The following TRANK1 variants were observed in gnomAD, a reference collection of about 807,000 sequenced individuals.
The protein encoded by TRANK1 is tetratricopeptide repeat and ankyrin repeat containing 1, also known as TPR and ankyrin repeat-containing protein 1.
In TRANK1, 198 loss-of-function variants were observed where a neutral mutation model predicts 266.0. The observed-to-expected ratio is 0.74, with a 90% CI of 0.66 to 0.84. The LOEUF (loss-of-function observed/expected upper bound fraction) is 0.84, where lower values mean the gene tolerates loss of function less well. Ranked by LOEUF, TRANK1 falls within the 40% of genes least tolerant of loss-of-function variation. TRANK1 has a pLI of 0.00. For synonymous variants in TRANK1, 1,396 were observed against 1,384.1 expected (o/e 1.01, Z -0.19); for missense variants, 3,326 against 3,634.6 (o/e 0.92, Z 2.18).
intron 4 of TRANK1, among the ~76,000 whole-genome samples, chr3:36,896,716 C>T (rs1347692236): frequency 6.6e-6 from 1 of 152,152 alleles, no homozygotes; most frequent in Admixed American, 6.5e-5. Context: ...TGCAGAGGGC[C>T]GGGTGCAGTG....
intron 11 of TRANK1, among the ~76,000 whole-genome samples, chr3:36,859,748 G>A (rs892662042): frequency 4.6e-5 from 7 of 152,154 alleles, no homozygotes; most frequent in Admixed American, 4.6e-4. Context: ...ATCCTGAGAT[G>A]TGCTCTATAA....
intron 15 of TRANK1, chr3:36,850,143 C>T: frequency 1.0e-6 from 1 of 985,408 alleles, no homozygotes; most frequent in East Asian, 1.1e-4. Flanking sequence ...ACAGAAACAA[C>T]AAAGTCTTAC....
In TRANK1 at chr3:36,828,097, G is replaced by A; in HGVS notation, c.*178C>T. 1 of 575,600 alleles carries A rather than the reference G, an allele frequency of 1.7e-6. No individual in the cohort carries two copies. The allele number at this position is 575,600 out of a possible 1,614,324, so 35.7% of individuals were successfully genotyped here. On this transcript the variant is annotated 3_prime_UTR_variant, in exon 24 of 24. Coordinates refer to ENST00000645898, the MANE Select transcript of TRANK1 (RefSeq NM_001329998.2). Reference sequence around the variant, plus strand: ...TTGGAAACACTTTAGAGGTGAGGGAGCAATCAGATCCTAAGCCACTGAAAG... The same window carrying A: ...TTGGAAACACTTTAGAGGTGAGGGAACAATCAGATCCTAAGCCACTGAAAG...
intron 1 of TRANK1, among the ~76,000 whole-genome samples, chr3:36,913,843 C>G (rs1041487886): frequency 6.6e-6 from 1 of 151,890 alleles, no homozygotes; most frequent in South Asian, 2.1e-4. Context: ...CATCCTGCCC[C>G]CGACCAAAGC....
chr3:36,874,401 G>C (rs2079355799), intron 8 of TRANK1, 105 bp from the exon 9 acceptor site: 2 of 1,244,292 alleles, frequency 1.6e-6, no homozygotes, highest in African/African-American at 3.0e-5. Flanking sequence ...CCCAGGGCAA[G>C]AGGACTAGGG....
intron 20 of TRANK1, among the ~76,000 whole-genome samples, chr3:36,837,135 G>T (rs2078781352): frequency 6.6e-6 from 1 of 152,172 alleles, no homozygotes; most frequent in Admixed American, 6.5e-5. Flanking sequence ...TCCATCACCT[G>T]CCTTTTCCCA....
chr3:36,874,098 C>A (rs1421937356), intron 9 of TRANK1, 28 bp downstream of exon 9: 6 of 1,522,752 alleles, frequency 3.9e-6, no homozygotes, highest in Non-Finnish European at 5.3e-6. Context: ...TTTATGCCCC[C>A]CAAAAGTTAA....
At chr3:36,828,519 ATCCAC>A in intron 23 of TRANK1, 144 bp from the exon 24 acceptor site, 2 of 631,894 alleles carry the variant, frequency 3.2e-6, no homozygotes, top group Non-Finnish European at 5.5e-6. Flanking sequence ...TTTTTTCCCA[ATCCAC>A]TGTAAAATAT....
intron 2 of TRANK1, among the ~76,000 whole-genome samples, chr3:36,907,628 C>G (rs2079991506): frequency 6.6e-6 from 1 of 151,452 alleles, no homozygotes; most frequent in Non-Finnish European, 1.5e-5. Flanking sequence ...CCACACCCGG[C>G]TAATCTGTTG....
intron 17 of TRANK1, among the ~76,000 whole-genome samples, chr3:36,844,730 G>T (rs948138177): frequency 6.6e-6 from 1 of 152,074 alleles, no homozygotes; most frequent in African/African-American, 2.4e-5. Flanking sequence ...CCTAGCCTTT[G>T]ACTTTTCCCA....
At chr3:36,866,377 C>T (rs1485933877) in intron 9 of TRANK1, among the ~76,000 whole-genome samples, 5 of 152,200 alleles carry the variant, frequency 3.3e-5, no homozygotes, top group Non-Finnish European at 1.5e-5. Flanking sequence ...AAATTAAAAG[C>T]ATGCTTCAGT....
Position 36,833,758 on chromosome 3 carries a change from A to G in TRANK1, c.5825T>C (p.Phe1942Ser). Reference sequence around the variant, plus strand: ...TGCTAAGCGTTTCCGAGACTTCAAGAACACCAGCTGGTCTTCTATGTCTAG... The same window carrying G: ...TGCTAAGCGTTTCCGAGACTTCAAGGACACCAGCTGGTCTTCTATGTCTAG... The part of the protein sequence containing the change: ...SKLDIEDQLV[F>S]LKSRKRLAEA... The change falls in exon 22 of 24, where the codon TTC becomes TCC. Residue 1942 changes from phenylalanine to serine, a missense_variant. Coordinates refer to ENST00000645898, the MANE Select transcript of TRANK1 (RefSeq NM_001329998.2). 1 of 1,613,974 alleles carries G rather than the reference A, an allele frequency of 6.2e-7. No homozygotes were observed. Among genetic ancestry groups the G allele is most frequent in the East Asian group, 2.2e-5 (1 of 44,884 alleles).
chr3:36,845,215 T>C (rs2078899408), intron 17 of TRANK1, among the ~76,000 whole-genome samples: 1 of 152,224 alleles, frequency 6.6e-6, no homozygotes. Context: ...TGAATTTATA[T>C]GCATGCTATC....
intron 13 of TRANK1, among the ~76,000 whole-genome samples, chr3:36,852,942 G>A (rs1393713048): frequency 1.3e-5 from 2 of 152,142 alleles, no homozygotes; most frequent in Non-Finnish European, 2.9e-5. Context: ...GCTAAGGACA[G>A]CAACCAAGGC....
At chr3:36,906,077 C>T (rs757987087) in intron 2 of TRANK1, among the ~76,000 whole-genome samples, 4 of 152,224 alleles carry the variant, frequency 2.6e-5, no homozygotes, top group African/African-American at 7.2e-5. Context: ...CTACACAATA[C>T]TACCTCTTTC....
chr3:36,940,479 G>A (rs1484809387), intron 1 of TRANK1, among the ~76,000 whole-genome samples: 3 of 147,568 alleles, frequency 2.0e-5, no homozygotes, highest in East Asian at 2.0e-4. Context: ...CAGCCTGGGC[G>A]ACAGAGCGAG....
In TRANK1 at chr3:36,828,374, AC is replaced by A; in HGVS notation, c.8810del (p.Gly2937ValfsTer54). The A allele has an allele frequency of 6.5e-7, 1 of 1,550,048 alleles. No individual in the cohort carries two copies. Among genetic ancestry groups the A allele is most frequent in the Non-Finnish European group, 8.8e-7 (1 of 1,135,110 alleles). The part of the protein sequence containing the change: ...MKTETRLKKE[G>X]IVQEDDYENE... ...TTTCATAATCATCTTCCTGAACAAT[AC>A]CTGAAGAAAGAAAGAAGGAAGGAAG... On this transcript the variant is annotated frameshift_variant and splice_region_variant, in exon 24 of 24. Transcript: ENST00000645898. LOFTEE classifies it high-confidence loss of function.
At chr3:36,843,919 G>A (rs915453529) in intron 17 of TRANK1, among the ~76,000 whole-genome samples, 1 of 152,108 alleles carries the variant, frequency 6.6e-6, no homozygotes, top group African/African-American at 2.4e-5. Context: ...GTGCCCCTGT[G>A]ACATTTAATT....
intron 13 of TRANK1, 124 bp from the exon 14 acceptor site, chr3:36,852,469 A>T (rs1013574600): frequency 1.0e-5 from 9 of 886,888 alleles, no homozygotes; most frequent in African/African-American, 1.7e-5. Context: ...GTATAATTGC[A>T]AGCCCGTTTT....
Sources: gnomAD v4.1 joint callset for allele counts (sites outside exome capture counted in the v4.1 genomes callset) on GRCh38, gnomAD v4.1.1 for gene constraint, MANE v1.5 for transcripts, NCBI Gene and HGNC (gene_info 2026-07-23, HGNC 2026-07-21) for gene names.